Variants in PAOX observed in about 807,000 individuals in gnomAD.
The protein encoded by PAOX is polyamine oxidase, also known as peroxisomal N(1)-acetyl-spermine/spermidine oxidase.
PAOX carries 38 observed loss-of-function variants against 39.0 expected under a neutral mutation model. The ratio of observed to expected loss-of-function variants is 0.97; its 90% CI spans 0.75 to 1.28. The LOEUF (loss-of-function observed/expected upper bound fraction) is 1.28, where lower values mean the gene tolerates loss of function less well. Ranked by LOEUF, PAOX falls within the 50% of genes most tolerant of loss-of-function variation. The probability of loss-of-function intolerance (pLI) is 0.00; values close to 1 mark genes in which losing one functional copy is unlikely to be tolerated. For missense variants in PAOX, 667 were observed against 685.7 expected (o/e 0.97, Z 0.30); for synonymous variants, 311 against 314.4 (o/e 0.99, Z 0.11).
Position 133,380,466 on chromosome 10 carries a change from C to T in PAOX, c.649C>T (p.Leu217=). The T allele has an allele frequency of 1.2e-6, 2 of 1,609,212 alleles. No individual in the cohort carries two copies. The highest frequency in any genetic ancestry group is 1.7e-6 in the Non-Finnish European group (2 of 1,179,438). ...TGGGGAGTATACCGTGCTGCCGGGG[C>T]TGGACTGCACCTTTTCTAAGTGCGT... ...PFGEYTVLPG[L]DCTFSKGYQG... is the part of the protein sequence containing the mutation. Residue 217 remains leucine, a synonymous_variant, in exon 2 of 7, where the codon CTG becomes TTG. Transcript: ENST00000278060.
Position 133,385,884 on chromosome 10 carries a change from C to T in PAOX, c.1121+1672C>T, listed in dbSNP as rs149003944. 9.0e-3 allele frequency among the ~76,000 whole-genome samples: 1,369 copies of T among 152,082 alleles called. 8 individuals are homozygous for T. Among genetic ancestry groups the T allele is most frequent in the Non-Finnish European group, 0.015 (1,009 of 68,000 alleles). ...AGGCATGAGCCACCGCACCCAGTCA[C>T]CACATGATAAATTAAATTATTATTT... On this transcript the variant is annotated intron_variant, in intron 4 of 6. Coordinates refer to ENST00000278060, the MANE Select transcript of PAOX (RefSeq NM_152911.4).
chr10:133,389,879 A>G, intron 6 of PAOX, 132 bp downstream of exon 6: 1 of 1,019,706 alleles, frequency 9.8e-7, no homozygotes, highest in Non-Finnish European at 1.3e-6. Context: ...TTCTTTTTGA[A>G]ACTAAGAATA....
At chr10:133,390,865 A>G (rs539459006) in intron 6 of PAOX, 6 of 381,622 alleles carry the variant, frequency 1.6e-5, no homozygotes, top group African/African-American at 1.4e-4. Flanking sequence ...AGTTGAGGCC[A>G]GATCACTATT....
At chr10:133,385,594 T>C (rs1484049984) in intron 4 of PAOX, among the ~76,000 whole-genome samples, 2 of 152,224 alleles carry the variant, frequency 1.3e-5, no homozygotes, top group African/African-American at 4.8e-5. Context: ...AAATATTTTT[T>C]TGTTTTTGAG....
At position 133,389,607 on chromosome 10, in the gene PAOX, G is replaced by A. The variant is rs1037506942; in HGVS notation, c.1252G>A (p.Ala418Thr). The A allele has an allele frequency of 8.7e-6, 14 of 1,613,736 alleles. No individual in the cohort carries two copies. Among genetic ancestry groups the A allele is most frequent in the East Asian group, 2.2e-5 (1 of 44,888 alleles). Residue 418 changes from alanine to threonine, a missense_variant, in exon 6 of 7, where the codon GCG becomes ACG. Transcript: ENST00000278060. Reference sequence around the variant, plus strand: ...TGGCTCAGGAAACCCACGGCTCCCCGCGCCCAAGAGCGTCCTGCGGTCTCG... The same window carrying A: ...TGGCTCAGGAAACCCACGGCTCCCCACGCCCAAGAGCGTCCTGCGGTCTCG... ...RRVTGNPRLPAPKSVLRSRWH... is the reference protein window; with the variant it reads ...RRVTGNPRLPTPKSVLRSRWH...
rs372406962 is a variant in PAOX, at chr10:133,389,112, C to G, written c.1234+44C>G. ...CGCTGGTTCCTGCCTCTGCTCGTTA[C>G]TGGTTGATCTCTAAACAGAAACTAG... On this transcript the variant is annotated intron_variant, in intron 5 of 6. Transcript: ENST00000278060. 1,047 of 1,438,556 alleles carry G rather than the reference C, an allele frequency of 7.3e-4. 15 individuals are homozygous for G. The South Asian group carries it at 9.2e-3, about 13-fold the overall frequency. The allele number at this position is 1,438,556 out of a possible 1,614,324, so 89.1% of individuals were successfully genotyped here.
At position 133,381,569 on chromosome 10, in the gene PAOX, G is replaced by C. The variant is rs763007791; in HGVS notation, c.778G>C (p.Ala260Pro). ...IHWNGSFQEA[A>P]FPGETFPVSV... ...CTGGAACGGGTCCTTCCAGGAGGCA[G>C]CCTTTCCCGGGGAGACCTTTCCAGT... Residue 260 changes from alanine (A) to proline (P), a missense_variant, in exon 3 of 7, where the codon GCC becomes CCC. Transcript: ENST00000278060. 3.1e-6 allele frequency: 5 copies of C among 1,613,866 alleles called. No individual in the cohort carries two copies. In the South Asian group the frequency reaches 3.3e-5, roughly 11 times the overall value.
chr10:133,380,578 G>A, intron 2 of PAOX, 93 bp downstream of exon 2: 1 of 1,435,150 alleles, frequency 7.0e-7, no homozygotes, highest in Non-Finnish European at 9.2e-7. Flanking sequence ...GGGTATGGGA[G>A]GGACAGGAGA....
At chr10:133,391,161 A>C in intron 6 of PAOX, 151 bp from the exon 7 acceptor site, 1 of 760,088 alleles carries the variant, frequency 1.3e-6, no homozygotes, top group Non-Finnish European at 2.3e-6. Flanking sequence ...ATTGGTGGGT[A>C]CACGTGAGCC....
rs773453790 is a variant in PAOX at position 133,385,606 on chromosome 10, T to C, written c.1121+1394T>C. Among the ~76,000 whole-genome samples the C allele has an allele frequency of 5.8e-4, 89 of 152,260 alleles. 1 individual carries two copies. Among genetic ancestry groups the C allele is most frequent in the South Asian group, 4.1e-3 (20 of 4,822 alleles). On this transcript the variant is annotated intron_variant, in intron 4 of 6. Transcript: ENST00000278060. ...ATAAAATATTTTTTTGTTTTTGAGA[T>C]GGAGTCTCGCTCTGTCCCCCAGACT...
chr10:133,390,735 A>G (rs374722289), intron 6 of PAOX: 1 of 561,924 alleles, frequency 1.8e-6, no homozygotes, highest in East Asian at 2.9e-5. Context: ...TTGCTTCTTG[A>G]GTTTTCAGTT....
rs778645332 is a variant in PAOX at position 133,384,237 on chromosome 10, T to C, written c.1121+25T>C. On this transcript the variant is annotated intron_variant, in intron 4 of 6. Coordinates refer to ENST00000278060, the MANE Select transcript of PAOX (RefSeq NM_152911.4). This position sits in a 1 kb window ranked among gnomAD's most constrained non-coding sequence, Gnocchi z 4.3. ...CGTACGTTTGCTCCCTGAGAAGTTC[T>C]GCGAGTGGCTGGCTCATAGGCCTTC... is the stretch of plus-strand genomic sequence containing the variant. 6.2e-7 allele frequency: 1 copy of C among 1,607,798 alleles called. No individual in the cohort carries two copies. The highest frequency in any genetic ancestry group is 2.2e-5 in the East Asian group (1 of 44,784).
At position 133,381,456 on chromosome 10, in the gene PAOX, C is replaced by A. The variant is rs202009104; in HGVS notation, c.669-4C>A. ...CTACGAAACCAGCACTTCCGTCTTT[C>A]TAGGGGCTATCAAGGACTCACAAAC... On this transcript the variant is annotated splice_polypyrimidine_tract_variant and splice_region_variant and intron_variant, in intron 2 of 6. Transcript: ENST00000278060. The A allele has an allele frequency of 8.5e-5, 137 of 1,613,622 alleles. No homozygotes were observed. The highest frequency in any genetic ancestry group is 1.1e-4 in the Non-Finnish European group (135 of 1,179,886).
intron 6 of PAOX, chr10:133,391,017 C>T (rs917729447): frequency 2.8e-6 from 2 of 702,234 alleles, no homozygotes; most frequent in Admixed American, 2.0e-5. Context: ...GTTTTCCCGC[C>T]CGTTGGTGGA....
Position 133,389,658 on chromosome 10 carries a change from G to A in PAOX, c.1303G>A (p.Gly435Arg), listed in dbSNP as rs1589901207. 3.1e-6 allele frequency: 5 copies of A among 1,613,100 alleles called. No homozygotes were observed. Among genetic ancestry groups the A allele is most frequent in the Non-Finnish European group, 4.2e-6 (5 of 1,179,762 alleles). Residue 435 changes from glycine (G) to arginine (R), a missense_variant, in exon 6 of 7, where the codon GGG (glycine) becomes AGG (arginine). Coordinates refer to ENST00000278060, the MANE Select transcript of PAOX (RefSeq NM_152911.4). ...SRWHSAPYTR[G>R]SYSYVAVGST... ...CTGGCACAGCGCCCCGTACACTAGG[G>A]GGTCCTACAGCTACGTGGCCGTGGG...
chr10:133,384,190 T>C lies in PAOX; in HGVS notation c.1099T>C (p.Phe367Leu), dbSNP rs1465141666. The C allele has an allele frequency of 4.3e-6, 7 of 1,613,896 alleles. No individual in the cohort carries two copies. Among genetic ancestry groups the C allele is most frequent in the Non-Finnish European group, 5.9e-6 (7 of 1,179,954 alleles). ...QDAWFRKLIG[F>L]VVLPAFASVH... ...CGCCTGGTTCCGGAAGCTCATTGGC[T>C]TTGTGGTCCTGCCTGCCTTTGCGTA... The change falls in exon 4 of 7, where the codon TTT (phenylalanine) becomes CTT (leucine). Residue 367 changes from phenylalanine (F) to leucine (L), a missense_variant. By Grantham distance (22) the Phe-to-Leu change is conservative. Coordinates refer to ENST00000278060, the MANE Select transcript of PAOX (RefSeq NM_152911.4). This position sits in a 1 kb window ranked among gnomAD's most constrained non-coding sequence, Gnocchi z 4.3.
At chr10:133,390,885 C>T (rs944879466) in intron 6 of PAOX, 2 of 411,398 alleles carry the variant, frequency 4.9e-6, no homozygotes, top group Non-Finnish European at 9.7e-6. Flanking sequence ...TCAGTGTTTA[C>T]ACCCCTTGTT....
At chr10:133,380,516 C>T (rs1239404569) in intron 2 of PAOX, 31 bp downstream of exon 2, 13 of 1,565,588 alleles carry the variant, frequency 8.3e-6, no homozygotes, top group South Asian at 1.2e-5. Context: ...CCCGCCAGTC[C>T]TCCCACCAGG....
At chr10:133,385,135 A>C (rs1288821286) in intron 4 of PAOX, among the ~76,000 whole-genome samples, 1 of 152,130 alleles carries the variant, frequency 6.6e-6, no homozygotes, top group Non-Finnish European at 1.5e-5. Flanking sequence ...GTCTCTACTA[A>C]AAATACAAAA....
Sources: gnomAD v4.1 joint callset for allele counts (sites outside exome capture counted in the v4.1 genomes callset) on GRCh38, gnomAD v4.1.1 for gene constraint, Gnocchi (gnomAD v3.1) non-coding constraint, MANE v1.5 for transcripts, NCBI Gene and HGNC (gene_info 2026-07-23, HGNC 2026-07-21) for gene names.